The following FAM76B variants were observed in gnomAD, a reference collection of about 807,000 sequenced individuals.
FAM76B encodes the protein protein FAM76B.
In FAM76B, 16 loss-of-function variants were observed where a neutral mutation model predicts 51.8. The observed-to-expected ratio is 0.31, with a 90% confidence interval of 0.21 to 0.47. FAM76B has a LOEUF of 0.47. Ranked by LOEUF, FAM76B falls within the 20% of genes least tolerant of loss-of-function variation. The pLI, the probability that FAM76B is intolerant of heterozygous loss-of-function variation, is 1.00. For synonymous variants in FAM76B, 166 were observed against 129.5 expected, an observed-to-expected ratio of 1.28 and a Z score of -1.91; for missense variants, 342 against 392.6, an observed-to-expected ratio of 0.87 and a Z score of 1.09.
rs756348126 is a variant in FAM76B at position 95,779,575 on chromosome 11, AT to A, written c.692+31del. The A allele has an allele frequency of 2.6e-6, 4 of 1,564,146 alleles. No homozygotes were observed. The African/African-American group carries it at 5.5e-5, about 22-fold the overall frequency. ...AACCATAACTATTCAACTAAGTTGAATTTTCATAACACTAAAAGAATTCATT... is the reference window on the plus strand; with the variant it reads ...AACCATAACTATTCAACTAAGTTGAATTTCATAACACTAAAAGAATTCATT... On this transcript the variant is annotated intron_variant, in intron 7 of 9. Coordinates refer to ENST00000358780, the MANE Select transcript of FAM76B (RefSeq NM_144664.5).
intron 4 of FAM76B, among the ~76,000 whole-genome samples, chr11:95,785,639 T>C (rs1401101447): frequency 6.6e-6 from 1 of 152,206 alleles, no homozygotes; most frequent in Non-Finnish European, 1.5e-5. Context: ...CCTGTGTGAA[T>C]GCTGATCGGC....
At chr11:95,780,528 A>C (rs899210402) in intron 5 of FAM76B, among the ~76,000 whole-genome samples, 4 of 151,976 alleles carry the variant, frequency 2.6e-5, no homozygotes, top group Non-Finnish European at 5.9e-5. Context: ...ACTCATAATT[A>C]ATACTGTAAT....
At chr11:95,783,647 T>C (rs186711628) in intron 4 of FAM76B, among the ~76,000 whole-genome samples, 7 of 152,390 alleles carry the variant, frequency 4.6e-5, no homozygotes, top group Non-Finnish European at 1.0e-4. Flanking sequence ...CAGTAAGTAC[T>C]GTAAATTTAC....
Position 95,786,099 on chromosome 11 carries a change from A to T in FAM76B, c.363+20T>A. ...TTTTATTTAATTTCCAGAAGATGTC[A>T]TAACATAAATAAAGCATACCTTTCT... On this transcript the variant is annotated intron_variant, in intron 4 of 9. Transcript: ENST00000358780. The T allele has an allele frequency of 1.3e-6, 2 of 1,586,234 alleles. No homozygotes were observed. Among genetic ancestry groups the T allele is most frequent in the Non-Finnish European group, 1.7e-6 (2 of 1,164,656 alleles).
At chr11:95,776,872 A>G (rs181311097) in intron 8 of FAM76B, among the ~76,000 whole-genome samples, 1 of 151,392 alleles carries the variant, frequency 6.6e-6, no homozygotes, top group Non-Finnish European at 1.5e-5. Flanking sequence ...AGTATCTAAT[A>G]AACTGAAAGA....
chr11:95,773,917 G>A, intron 9 of FAM76B, among the ~76,000 whole-genome samples: 1 of 151,084 alleles, frequency 6.6e-6, no homozygotes, highest in South Asian at 2.1e-4. Context: ...CTAGCTATTA[G>A]AGCAAGATCC....
Position 95,769,961 on chromosome 11 carries a change from T to G in FAM76B, c.*1600A>C, listed in dbSNP as rs570209410. On this transcript the variant is annotated 3_prime_UTR_variant, in exon 10 of 10. Coordinates refer to ENST00000358780, the MANE Select transcript of FAM76B (RefSeq NM_144664.5). ...TGAAACACGTCATGTTAAAAAAAAATTGTTTCAATCATGTGTTCTTAAGAA... is the reference window on the plus strand; with the variant it reads ...TGAAACACGTCATGTTAAAAAAAAAGTGTTTCAATCATGTGTTCTTAAGAA... 1 of 151,528 alleles carries G rather than the reference T, an allele frequency of 6.6e-6. No individual in the cohort carries two copies. Among genetic ancestry groups the G allele is most frequent in the Admixed American group, 6.6e-5 (1 of 15,172 alleles). The allele number at this position is 151,528 out of a possible 1,614,324, so 9.4% of individuals were successfully genotyped here. A position where few individuals can be genotyped will look rare whatever the true frequency, so the allele number is the denominator to read the frequency against.
chr11:95,773,151 T>C (rs1053273885), intron 9 of FAM76B, among the ~76,000 whole-genome samples: 7 of 151,120 alleles, frequency 4.6e-5, no homozygotes, highest in African/African-American at 1.5e-4. Flanking sequence ...AAATAAAGTG[T>C]TTATAATTTT....
Position 95,789,705 on chromosome 11 carries a change from T to G in FAM76B, c.-227A>C. 2.0e-6 allele frequency: 1 copy of G among 495,722 alleles called. No individual in the cohort carries two copies. Among genetic ancestry groups the G allele is most frequent in the South Asian group, 2.9e-5 (1 of 34,258 alleles). 30.7% of individuals were successfully genotyped at this position (495,722 alleles called of 1,614,324 possible). A position where few individuals can be genotyped will look rare whatever the true frequency, so the allele number is the denominator to read the frequency against. On this transcript the variant is annotated 5_prime_UTR_variant, in exon 1 of 10. Coordinates refer to ENST00000358780, the MANE Select transcript of FAM76B (RefSeq NM_144664.5). ...CACCCAGTGACGCCGTGCCAGCCGC[T>G]CCCGCTTAGGCCCCGATAGCGGCGG...
intron 7 of FAM76B, 21 bp downstream of exon 7, chr11:95,779,586 A>G: frequency 6.3e-7 from 1 of 1,589,798 alleles, no homozygotes; most frequent in Non-Finnish European, 8.6e-7. Context: ...TTTTCATAAC[A>G]CTAAAAGAAT....
At chr11:95,773,612 C>G (rs1021484071) in intron 9 of FAM76B, among the ~76,000 whole-genome samples, 2 of 151,212 alleles carry the variant, frequency 1.3e-5, no homozygotes, top group African/African-American at 4.8e-5. Flanking sequence ...GCTACATAAC[C>G]TGGAGCATAT....
rs779304798 is a variant in FAM76B at position 95,771,623 on chromosome 11, C to T, written c.958G>A (p.Val320Ile). ...TTTTTACCCTTTGATAATGCTGCGA[C>T]CTGTTTGAGTAGTTCTCTGTTTTTG... ...QAKNRELLKQVAALSKGKKFD... is the reference protein window; with the variant it reads ...QAKNRELLKQIAALSKGKKFD... The change falls in exon 10 of 10, where the codon GTC becomes ATC. Residue 320 changes from valine to isoleucine, a missense_variant. Transcript: ENST00000358780. 1.9e-6 allele frequency: 3 copies of T among 1,606,954 alleles called. No individual in the cohort carries two copies. The highest frequency in any genetic ancestry group is 2.7e-5 in the African/African-American group (2 of 74,478).
At position 95,789,263 on chromosome 11, in the gene FAM76B, G is replaced by A. The variant is rs554243995; in HGVS notation, c.87+129C>T. 7 of 1,070,254 alleles carry A rather than the reference G, an allele frequency of 6.5e-6. No homozygotes were observed. The East Asian group carries it at 1.3e-4, about 20-fold the overall frequency. 66.3% of individuals were successfully genotyped at this position (1,070,254 alleles called of 1,614,324 possible). ...CCAGAAAAAGGGGTCCCCGAGTGGG[G>A]AGGCGAGGGCTCCAGACTCCCAAAC... is the stretch of plus-strand genomic sequence containing the variant. On this transcript the variant is annotated intron_variant, in intron 1 of 9. Coordinates refer to ENST00000358780, the MANE Select transcript of FAM76B (RefSeq NM_144664.5).
intron 9 of FAM76B, among the ~76,000 whole-genome samples, chr11:95,774,919 A>C (rs1162234097): frequency 1.3e-5 from 2 of 151,230 alleles, no homozygotes; most frequent in Non-Finnish European, 3.0e-5. Flanking sequence ...CCTAAATCCT[A>C]CTAATTTAAG....
Position 95,783,192 on chromosome 11 carries a change from T to A in FAM76B, c.436A>T (p.Arg146Trp). 6.2e-7 allele frequency: 1 copy of A among 1,613,952 alleles called. No individual in the cohort carries two copies. Among genetic ancestry groups the A allele is most frequent in the South Asian group, 1.1e-5 (1 of 91,060 alleles). The change falls in exon 5 of 10, where the codon AGG becomes TGG. Residue 146 changes from arginine (R) to tryptophan (W), a missense_variant. This residue lies in a region of FAM76B where 230 missense variants were observed against 257.4 expected (regional missense o/e 0.89). Transcript: ENST00000358780. ...KRVLQKTKEQ[R>W]KSLGSSHSNS... is the part of the protein sequence containing the mutation. ...GAATGTGAAGATCCCAGGCTCTTCC[T>A]TTGTTCTTTCGTCTTCTGTAAAACT...
intron 9 of FAM76B, among the ~76,000 whole-genome samples, chr11:95,775,369 T>C (rs1401212469): frequency 6.6e-6 from 1 of 151,442 alleles, no homozygotes; most frequent in African/African-American, 2.4e-5. Flanking sequence ...ACTGCTACTT[T>C]GCAGTACTCT....
In FAM76B at chr11:95,786,191, A is replaced by G. The variant is rs888668375; in HGVS notation, c.291T>C (p.Tyr97=). 1 of 1,614,164 alleles carries G rather than the reference A, an allele frequency of 6.2e-7. No homozygotes were observed. The highest frequency in any genetic ancestry group is 8.5e-7 in the Non-Finnish European group (1 of 1,180,008). Residue 97 remains tyrosine, a synonymous_variant, in exon 4 of 10, where the codon TAT becomes TAC. Transcript: ENST00000358780. The stretch of plus-strand genomic sequence containing the variant: ...ACTGTTCACAGGTCTGAGGTGGTCC[A>G]TACTTTTTTTCTGAATTTGTGCAAC... ...CQRCTNSEKK[Y]GPPQTCEQCK...
intron 5 of FAM76B, among the ~76,000 whole-genome samples, chr11:95,782,138 C>G (rs1444297470): frequency 6.6e-6 from 1 of 151,916 alleles, no homozygotes; most frequent in Non-Finnish European, 1.5e-5. Flanking sequence ...TTTTCATGTT[C>G]TTGATTTTTC....
chr11:95,788,445 T>G, intron 2 of FAM76B, 54 bp downstream of exon 2: 3 of 1,357,388 alleles, frequency 2.2e-6, no homozygotes, highest in African/African-American at 1.5e-5. Context: ...CCCCCAAGTA[T>G]TCCATAAAGA....
Sources: allele counts gnomAD v4.1 joint callset (sites outside exome capture counted in the v4.1 genomes callset), GRCh38; gene constraint gnomAD v4.1.1; regional missense constraint gnomAD v4.1.1; transcripts MANE v1.5; gene names NCBI Gene and HGNC (gene_info 2026-07-23, HGNC 2026-07-21).